ANKRD44: variants seen among roughly 807,000 people sequenced by gnomAD.
The protein encoded by ANKRD44 is ankyrin repeat domain 44.
Under a neutral mutation model 116.0 loss-of-function variants are expected in ANKRD44, and 35 were observed. The observed-to-expected ratio is 0.30, with a 90% CI of 0.23 to 0.40. The LOEUF (loss-of-function observed/expected upper bound fraction) is 0.40. Ranked by LOEUF, ANKRD44 falls within the 10% of genes least tolerant of loss-of-function variation. The pLI is 1.00. For missense variants in ANKRD44, 1,014 were observed against 1,242.6 expected (o/e 0.82, Z 2.77); for synonymous variants, 435 against 461.8 (o/e 0.94, Z 0.74).
Position 197,242,704 on chromosome 2 carries a change from C to T in ANKRD44, c.28-55598G>A, listed in dbSNP as rs1179420738. ...TGAGACGAAAGTCAAGAATGGTTAA[C>T]AGGACACTCTAGTCTAGGAGAGTTG... On this transcript the variant is annotated intron_variant, in intron 1 of 27. Transcript: ENST00000282272. 2.0e-5 allele frequency among the ~76,000 whole-genome samples: 3 copies of T among 152,170 alleles called. No homozygotes were observed. The South Asian group carries it at 6.2e-4, about 31-fold the overall frequency.
At chr2:197,197,809 C>CAAAAAAAAAAAAAAAAAAAAAAAAAA (rs199994103) in intron 1 of ANKRD44, among the ~76,000 whole-genome samples, 2 of 114,168 alleles carry the variant, frequency 1.8e-5, no homozygotes, top group Non-Finnish European at 3.3e-5. Flanking sequence ...AATCCTGTCT[C>CAAAAAAAAAAAAAAAAAAAAAAAAAA]AAAAAAAAAA....
intron 16 of ANKRD44, among the ~76,000 whole-genome samples, chr2:197,034,457 C>A (rs979030977): frequency 6.7e-6 from 1 of 148,800 alleles, no homozygotes; most frequent in Non-Finnish European, 1.5e-5. Flanking sequence ...ATAAATCCAA[C>A]GTGCATATCT....
At chr2:197,051,229 G>A (rs1188334308) in intron 16 of ANKRD44, among the ~76,000 whole-genome samples, 2 of 152,012 alleles carry the variant, frequency 1.3e-5, no homozygotes, top group African/African-American at 4.8e-5. Flanking sequence ...CCAAAATGCT[G>A]GAATTACAGG....
At chr2:197,228,140 T>C (rs974432183) in intron 1 of ANKRD44, among the ~76,000 whole-genome samples, 2 of 152,214 alleles carry the variant, frequency 1.3e-5, no homozygotes, top group African/African-American at 4.8e-5. Flanking sequence ...ATGGTGGGAT[T>C]TACCTTGGAT....
intron 16 of ANKRD44, among the ~76,000 whole-genome samples, chr2:197,049,620 G>A (rs982578756): frequency 1.3e-5 from 2 of 151,906 alleles, no homozygotes; most frequent in African/African-American, 4.8e-5. Flanking sequence ...AGGATAACCA[G>A]ATGGTTTTCT....
intron 16 of ANKRD44, among the ~76,000 whole-genome samples, chr2:197,038,591 A>G: frequency 6.6e-6 from 1 of 152,242 alleles, no homozygotes; most frequent in South Asian, 2.1e-4. Context: ...AAGTTTTTAT[A>G]TTTAATTGAT....
intron 8 of ANKRD44, among the ~76,000 whole-genome samples, chr2:197,119,147 T>C (rs528996461): frequency 5.0e-5 from 7 of 138,746 alleles, no homozygotes; most frequent in African/African-American, 1.7e-4. Context: ...GGTTTTATTG[T>C]TGTTGTTTTG....
At chr2:197,241,250 C>A (rs904094479) in intron 1 of ANKRD44, among the ~76,000 whole-genome samples, 9 of 152,172 alleles carry the variant, frequency 5.9e-5, no homozygotes, top group Admixed American at 4.6e-4. Context: ...CTAATAAATT[C>A]TACACACACA....
intron 9 of ANKRD44, among the ~76,000 whole-genome samples, chr2:197,109,017 T>C (rs753952791): frequency 5.9e-5 from 9 of 152,152 alleles, no homozygotes; most frequent in Non-Finnish European, 8.8e-5. Flanking sequence ...AGAGAGGAGA[T>C]GCGTCATAGA....
chr2:197,148,745 G>A (rs2079568102), intron 2 of ANKRD44, among the ~76,000 whole-genome samples: 1 of 152,172 alleles, frequency 6.6e-6, no homozygotes, highest in South Asian at 2.1e-4. Context: ...CTACCATTAA[G>A]TAGACAAAAA....
chr2:196,996,189 T>G (rs114866299), intron 25 of ANKRD44, among the ~76,000 whole-genome samples: 156 of 152,318 alleles, frequency 1.0e-3, no homozygotes, highest in African/African-American at 3.6e-3. Flanking sequence ...AATCTCAAGC[T>G]CTGCCCCAGA....
At chr2:197,186,169 C>G (rs575598267) in intron 2 of ANKRD44, among the ~76,000 whole-genome samples, 4 of 152,158 alleles carry the variant, frequency 2.6e-5, no homozygotes, top group African/African-American at 9.6e-5. Context: ...GTATGATGTA[C>G]CATAGGTTGC....
At chr2:197,081,576 G>A (rs1032630103) in intron 15 of ANKRD44, 69 bp downstream of exon 15, 5 of 1,396,162 alleles carry the variant, frequency 3.6e-6, no homozygotes, top group East Asian at 2.3e-5. Context: ...GGCAGGCAAC[G>A]TGGCAACTCA....
intron 1 of ANKRD44, among the ~76,000 whole-genome samples, chr2:197,251,554 G>T (rs866532091): frequency 1.3e-5 from 2 of 152,106 alleles, no homozygotes; most frequent in African/African-American, 4.8e-5. Context: ...GCCATAAAAT[G>T]GTTTCTCATT....
At chr2:197,144,901 A>G (rs183135605) in intron 3 of ANKRD44, among the ~76,000 whole-genome samples, 29 of 152,356 alleles carry the variant, frequency 1.9e-4, no homozygotes, top group Non-Finnish European at 4.0e-4. Context: ...AGAAACAACA[A>G]CAACAACACA....
chr2:197,207,770 A>C (rs1291887206), intron 1 of ANKRD44, among the ~76,000 whole-genome samples: 1 of 152,166 alleles, frequency 6.6e-6, no homozygotes, highest in Non-Finnish European at 1.5e-5. Flanking sequence ...AAAAAAGGAA[A>C]TCATGCCCCA....
At chr2:197,242,377 T>TG (rs2082107443) in intron 1 of ANKRD44, among the ~76,000 whole-genome samples, 1 of 152,204 alleles carries the variant, frequency 6.6e-6, no homozygotes, top group African/African-American at 2.4e-5. Context: ...ATTTTAATTC[T>TG]GGCCAAAGGA....
intron 10 of ANKRD44, among the ~76,000 whole-genome samples, chr2:197,094,671 G>A (rs2078121007): frequency 6.6e-6 from 1 of 152,206 alleles, no homozygotes; most frequent in African/African-American, 2.4e-5. Context: ...CTGAGAGGAT[G>A]AGACAAAAAC....
At chr2:197,272,545 C>T (rs187881384) in intron 1 of ANKRD44, among the ~76,000 whole-genome samples, 3 of 152,294 alleles carry the variant, frequency 2.0e-5, no homozygotes, top group African/African-American at 7.2e-5. Context: ...CAATTTCTAT[C>T]GTTTATAAGC....
Sources: allele counts gnomAD v4.1 joint callset (sites outside exome capture counted in the v4.1 genomes callset), GRCh38; gene constraint gnomAD v4.1.1; transcripts MANE v1.5; gene names NCBI Gene and HGNC (gene_info 2026-07-23, HGNC 2026-07-21).